Variants in PPP2R1B observed in about 807,000 individuals in gnomAD.
The protein encoded by PPP2R1B is serine/threonine-protein phosphatase 2A 65 kDa regulatory subunit A beta isoform.
Under a neutral mutation model 72.7 loss-of-function variants are expected in PPP2R1B, and 58 were observed. The ratio of observed to expected loss-of-function variants is 0.80; its 90% confidence interval spans 0.65 to 0.99. The LOEUF is 0.99. PPP2R1B is among the 50% of genes least tolerant of loss of function. The probability of loss-of-function intolerance (pLI) is 0.00; values close to 1 mark genes in which losing one functional copy is unlikely to be tolerated. For synonymous variants in PPP2R1B, 256 were observed against 264.6 expected, an observed-to-expected ratio of 0.97 and a Z score of 0.32; for missense variants, 695 against 733.6, an observed-to-expected ratio of 0.95 and a Z score of 0.61.
At position 111,739,064 on chromosome 11, in the gene PPP2R1B, G is replaced by C; in HGVS notation, c.*2532C>G. On this transcript the variant is annotated 3_prime_UTR_variant, in exon 15 of 15. Transcript: ENST00000527614. ...GGGGACCAGAAAAGGGCCACATAAA[G>C]CTTGTTTCCTGAAAGCAGGAAAATC... The C allele has an allele frequency of 1.0e-6, 1 of 985,420 alleles. No individual in the cohort carries two copies. The highest frequency in any genetic ancestry group is 1.7e-5 in the African/African-American group (1 of 57,352). 61.0% of individuals were successfully genotyped at this position (985,420 alleles called of 1,614,324 possible).
At position 111,755,079 on chromosome 11, in the gene PPP2R1B, C is replaced by T. The variant is rs1555049192; in HGVS notation, c.859G>A (p.Gly287Ser). The T allele has an allele frequency of 6.2e-7, 1 of 1,611,284 alleles. No individual in the cohort carries two copies. Among genetic ancestry groups the T allele is most frequent in the Admixed American group, 1.7e-5 (1 of 59,574 alleles). The change falls in exon 7 of 15, where the codon GGT becomes AGT. Residue 287 changes from glycine to serine, a missense_variant. Coordinates refer to ENST00000527614, the MANE Select transcript of PPP2R1B (RefSeq NM_002716.5). Reference sequence around the variant, plus strand: ...AGGTCATTTAGGGTGATTTTAGGACCCATGGCTTTCTGGAGCTATAAAAGA... The same window carrying T: ...AGGTCATTTAGGGTGATTTTAGGACTCATGGCTTTCTGGAGCTATAAAAGA... Reference protein sequence around the residue: ...DRFSELQKAMGPKITLNDLIP... With the variant: ...DRFSELQKAMSPKITLNDLIP...
chr11:111,692,388 A>AAAAAAAAC, the PPP2R1B span, among the ~76,000 whole-genome samples: 1 of 110,916 alleles, frequency 9.0e-6, no homozygotes, highest in Non-Finnish European at 2.0e-5. Flanking sequence ...AAAAAAAAAA[A>AAAAAAAAC]CACAAAAAGG....
rs1410023889 is a variant in PPP2R1B, at chr11:111,738,571, T to C, written c.*3025A>G. ...CTCAAAGGTCAGGCTGCCGTCTCTG[T>C]TGAGTCAGGACAAGTTGTCTGGCAA... On this transcript the variant is annotated 3_prime_UTR_variant, in exon 15 of 15. Transcript: ENST00000527614. 1.0e-6 allele frequency: 1 copy of C among 985,444 alleles called. No homozygotes were observed. Among genetic ancestry groups the C allele is most frequent in the East Asian group, 1.1e-4 (1 of 8,816 alleles). The allele number at this position is 985,444 out of a possible 1,614,324, so 61.0% of individuals were successfully genotyped here.
intron 11 of PPP2R1B, among the ~76,000 whole-genome samples, chr11:111,744,414 A>G (rs1245218219): frequency 6.6e-6 from 1 of 152,240 alleles, no homozygotes. Context: ...ATGTCTTTGA[A>G]TCAATGTGCC....
At chr11:111,688,298 C>A in the PPP2R1B span, 5 of 828,592 alleles carry the variant, frequency 6.0e-6, no homozygotes, top group African/African-American at 6.8e-5. This position sits in a 1 kb window ranked among gnomAD's most constrained non-coding sequence, Gnocchi z 4.2. Context: ...CCATTTTATT[C>A]ATTTCCTTAG....
In PPP2R1B at chr11:111,739,226, C is replaced by A; in HGVS notation, c.*2370G>T. 3 of 975,626 alleles carry A rather than the reference C, an allele frequency of 3.1e-6. No homozygotes were observed. Among genetic ancestry groups the A allele is most frequent in the Non-Finnish European group, 3.7e-6 (3 of 821,136 alleles). 60.4% of individuals were successfully genotyped at this position (975,626 alleles called of 1,614,324 possible). ...CCTATTATGTGCACCAGACACTGTTCCAGGCACTGGCGATACAGTAGAAGA... is the reference window on the plus strand; with the variant it reads ...CCTATTATGTGCACCAGACACTGTTACAGGCACTGGCGATACAGTAGAAGA... On this transcript the variant is annotated 3_prime_UTR_variant, in exon 15 of 15. Coordinates refer to ENST00000527614, the MANE Select transcript of PPP2R1B (RefSeq NM_002716.5).
At chr11:111,706,751 G>C in the PPP2R1B span, among the ~76,000 whole-genome samples, 2 of 152,074 alleles carry the variant, frequency 1.3e-5, no homozygotes, top group Non-Finnish European at 2.9e-5. Context: ...CACAAGGTCA[G>C]TAGATCAAGA....
In PPP2R1B at chr11:111,739,391, G is replaced by C. The variant is rs1322807684; in HGVS notation, c.*2205C>G. Reference sequence around the variant, plus strand: ...ACTAATTCATGGAGAACATGGCCAAGTTATGAGCCAAAGCACAATTCCTCT... The same window carrying C: ...ACTAATTCATGGAGAACATGGCCAACTTATGAGCCAAAGCACAATTCCTCT... On this transcript the variant is annotated 3_prime_UTR_variant, in exon 15 of 15. Coordinates refer to ENST00000527614, the MANE Select transcript of PPP2R1B (RefSeq NM_002716.5). 1.0e-6 allele frequency: 1 copy of C among 984,872 alleles called. No individual in the cohort carries two copies. The highest frequency in any genetic ancestry group is 1.2e-6 in the Non-Finnish European group (1 of 829,786). The allele number at this position is 984,872 out of a possible 1,614,324, so 61.0% of individuals were successfully genotyped here.
the PPP2R1B span, among the ~76,000 whole-genome samples, chr11:111,716,492 G>T: frequency 2.6e-5 from 4 of 152,148 alleles, no homozygotes; most frequent in South Asian, 8.3e-4. Context: ...CAGGAGAATT[G>T]CTTGAACCTG....
At chr11:111,765,808 G>A (rs890300827) in intron 1 of PPP2R1B, 1 of 473,742 alleles carries the variant, frequency 2.1e-6, no homozygotes, top group South Asian at 1.5e-5. Context: ...CCAACAAGCC[G>A]AGCCAGTTCC....
chr11:111,765,040 T>A, intron 2 of PPP2R1B, 135 bp from the exon 3 acceptor site: 1 of 1,408,552 alleles, frequency 7.1e-7, no homozygotes, highest in Non-Finnish European at 9.4e-7. Context: ...TTTTCTTTCT[T>A]CTCAACCGTC....
chr11:111,712,837 C>T, the PPP2R1B span, among the ~76,000 whole-genome samples: 2 of 152,296 alleles, frequency 1.3e-5, no homozygotes, highest in Middle Eastern at 6.8e-3. Context: ...ATCAGTTATA[C>T]ATGTGTTTTT....
At chr11:111,749,124 C>A (rs1388997039) in intron 10 of PPP2R1B, among the ~76,000 whole-genome samples, 4 of 152,114 alleles carry the variant, frequency 2.6e-5, no homozygotes, top group South Asian at 2.1e-4. Flanking sequence ...GGATTACAGG[C>A]ATGAGCCACC....
At chr11:111,761,316 C>T (rs1555051402) in intron 3 of PPP2R1B, 2 of 571,038 alleles carry the variant, frequency 3.5e-6, no homozygotes, top group Admixed American at 4.7e-5. Context: ...GTGTAAAAGA[C>T]TTGACACAAT....
At chr11:111,711,343 G>A in the PPP2R1B span, among the ~76,000 whole-genome samples, 8 of 152,170 alleles carry the variant, frequency 5.3e-5, no homozygotes, top group South Asian at 2.1e-4. Context: ...GGATGGTCTC[G>A]ATCTCCTGAT....
In PPP2R1B at chr11:111,751,114, C is replaced by G. The variant is rs114494801; in HGVS notation, c.1338+1045G>C. Among the ~76,000 whole-genome samples the G allele has an allele frequency of 4.4e-3, 675 of 152,272 alleles. 7 individuals are homozygous for G. The highest frequency in any genetic ancestry group is 0.016 in the African/African-American group (657 of 41,546). On this transcript the variant is annotated intron_variant, in intron 10 of 14. Coordinates refer to ENST00000527614, the MANE Select transcript of PPP2R1B (RefSeq NM_002716.5). ...TCTGGCTCCCAAAGTGCTGGGTTTACAGGTGTCAGCCACTGTGCCCGGCCT... is the reference window on the plus strand; with the variant it reads ...TCTGGCTCCCAAAGTGCTGGGTTTAGAGGTGTCAGCCACTGTGCCCGGCCT...
chr11:111,715,282 T>G, the PPP2R1B span, among the ~76,000 whole-genome samples: 1 of 152,160 alleles, frequency 6.6e-6, no homozygotes, highest in East Asian at 1.9e-4. Context: ...CCCTAAGACC[T>G]CTTTCTTGGG....
At chr11:111,712,834 A>G in the PPP2R1B span, among the ~76,000 whole-genome samples, 2 of 152,168 alleles carry the variant, frequency 1.3e-5, no homozygotes, top group Admixed American at 6.5e-5. Flanking sequence ...GTGATCAGTT[A>G]TACATGTGTT....
At chr11:111,765,033 T>C (rs1945470401) in intron 2 of PPP2R1B, 128 bp from the exon 3 acceptor site, 2 of 1,438,046 alleles carry the variant, frequency 1.4e-6, no homozygotes, top group African/African-American at 1.4e-5. Flanking sequence ...AACAGCATTT[T>C]CTTTCTTCTC....
Sources: allele counts gnomAD v4.1 joint callset (sites outside exome capture counted in the v4.1 genomes callset), GRCh38; gene constraint gnomAD v4.1.1; non-coding constraint Gnocchi (gnomAD v3.1); transcripts MANE v1.5; gene names NCBI Gene and HGNC (gene_info 2026-07-23, HGNC 2026-07-21).